The following RCAN2 variants were observed in gnomAD, a reference collection of about 807,000 sequenced individuals.
The protein encoded by RCAN2 is calcipressin-2.
A neutral mutation model predicts 23.6 loss-of-function variants in RCAN2; 9 were observed. The ratio of observed to expected loss-of-function variants is 0.38; its 90% CI spans 0.23 to 0.67. RCAN2 has a LOEUF of 0.67. Ranked by LOEUF, RCAN2 falls within the 30% of genes least tolerant of loss-of-function variation. RCAN2 has a pLI of 0.51. For synonymous variants in RCAN2, 109 were observed against 115.7 expected, an observed-to-expected ratio of 0.94 and a Z score of 0.37; for missense variants, 273 against 302.3, an observed-to-expected ratio of 0.90 and a Z score of 0.72.
At chr6:46,291,595 T>TAAC (rs1291909258) in intron 2 of RCAN2, among the ~76,000 whole-genome samples, 10 of 151,872 alleles carry the variant, frequency 6.6e-5, no homozygotes, top group South Asian at 6.2e-4. Context: ...TTTTTCTTCC[T>TAAC]AACAACAACA....
intron 2 of RCAN2, among the ~76,000 whole-genome samples, chr6:46,322,781 G>T (rs770867609): frequency 6.6e-6 from 1 of 152,158 alleles, no homozygotes; most frequent in Non-Finnish European, 1.5e-5. Context: ...AGGAACTCTT[G>T]GCTCCACCAG....
At chr6:46,248,255 A>T (rs896104940) in intron 3 of RCAN2, among the ~76,000 whole-genome samples, 3 of 152,232 alleles carry the variant, frequency 2.0e-5, no homozygotes, top group Non-Finnish European at 4.4e-5. Context: ...TTTCTCATAA[A>T]TATGAATCAT....
intron 2 of RCAN2, among the ~76,000 whole-genome samples, chr6:46,386,610 C>CAA (rs142110760): frequency 0.012 from 1,111 of 91,480 alleles, 30 homozygotes; most frequent in African/African-American, 0.015. Flanking sequence ...CTCTGTCTCA[C>CAA]AAAAAAAAAA....
chr6:46,479,771 T>G (rs1401941300), intron 1 of RCAN2, among the ~76,000 whole-genome samples: 1 of 151,974 alleles, frequency 6.6e-6, no homozygotes, highest in Non-Finnish European at 1.5e-5. Context: ...TTAGTAACGA[T>G]GGGGTTTCAC....
At chr6:46,275,957 C>T (rs1767682495) in intron 2 of RCAN2, among the ~76,000 whole-genome samples, 1 of 152,140 alleles carries the variant, frequency 6.6e-6, no homozygotes, top group South Asian at 2.1e-4. Flanking sequence ...CCTGTAATCC[C>T]AGCACTTTGG....
chr6:46,226,692 T>A lies in RCAN2; in HGVS notation c.572-3391A>T, dbSNP rs1420821650. Among the ~76,000 whole-genome samples, 4 of 152,164 alleles carry A rather than the reference T, an allele frequency of 2.6e-5. No individual in the cohort carries two copies. In the East Asian group the frequency reaches 7.7e-4, roughly 29 times the overall value. ...AGCTTAAGGGGATTTTGGGCTGAGA[T>A]GATGGGGTTTTCTAAATATACAATC... On this transcript the variant is annotated intron_variant, in intron 4 of 4. Coordinates refer to ENST00000371374, the MANE Select transcript of RCAN2 (RefSeq NM_001251974.2).
intron 2 of RCAN2, among the ~76,000 whole-genome samples, chr6:46,326,842 C>T (rs1228793701): frequency 6.6e-6 from 1 of 152,190 alleles, no homozygotes; most frequent in Admixed American, 6.5e-5. Flanking sequence ...GAAGCTTTCT[C>T]ATTTGTCCTC....
intron 2 of RCAN2, among the ~76,000 whole-genome samples, chr6:46,372,080 C>T (rs929928585): frequency 6.6e-6 from 1 of 152,118 alleles, no homozygotes; most frequent in South Asian, 2.1e-4. Context: ...GACTCTAATT[C>T]AAAATTAATT....
At chr6:46,363,668 A>G (rs1237845128) in intron 2 of RCAN2, among the ~76,000 whole-genome samples, 2 of 152,192 alleles carry the variant, frequency 1.3e-5, no homozygotes, top group African/African-American at 4.8e-5. Flanking sequence ...CACAGCAGAA[A>G]AATTACTGTA....
At chr6:46,313,027 T>G (rs1763314342) in intron 2 of RCAN2, among the ~76,000 whole-genome samples, 1 of 152,196 alleles carries the variant, frequency 6.6e-6, no homozygotes, top group Non-Finnish European at 1.5e-5. Context: ...CCAGTTTCTG[T>G]GTAATACTAC....
chr6:46,398,756 C>T (rs950904132), intron 2 of RCAN2, among the ~76,000 whole-genome samples: 1 of 152,126 alleles, frequency 6.6e-6, no homozygotes, highest in African/African-American at 2.4e-5. Flanking sequence ...CTCGAAAGAA[C>T]TTGCCCTCAG....
chr6:46,323,638 G>A (rs915638082), intron 2 of RCAN2, among the ~76,000 whole-genome samples: 9 of 152,122 alleles, frequency 5.9e-5, no homozygotes, highest in African/African-American at 2.2e-4. Flanking sequence ...CTCTCTTTCT[G>A]TATAAAATCT....
At chr6:46,455,467 C>T (rs1767988593) in intron 2 of RCAN2, among the ~76,000 whole-genome samples, 1 of 152,156 alleles carries the variant, frequency 6.6e-6, no homozygotes, top group Non-Finnish European at 1.5e-5. Context: ...CAGACACAGA[C>T]TTCAGCAATG....
intron 2 of RCAN2, among the ~76,000 whole-genome samples, chr6:46,414,234 A>G (rs1026877768): frequency 6.6e-6 from 1 of 152,244 alleles, no homozygotes; most frequent in Non-Finnish European, 1.5e-5. Flanking sequence ...CATGAATTAT[A>G]CAAATATAAA....
chr6:46,462,783 C>T (rs1245151608), intron 1 of RCAN2, among the ~76,000 whole-genome samples: 1 of 152,146 alleles, frequency 6.6e-6, no homozygotes, highest in Non-Finnish European at 1.5e-5. Context: ...TCTGATTCTG[C>T]TGGATATCAT....
At chr6:46,387,696 G>T (rs1310719819) in intron 2 of RCAN2, among the ~76,000 whole-genome samples, 1 of 152,150 alleles carries the variant, frequency 6.6e-6, no homozygotes, top group East Asian at 1.9e-4. Flanking sequence ...ACAGTGTGGC[G>T]ATTCCTCAAG....
At chr6:46,259,121 G>T (rs755763165) in intron 2 of RCAN2, among the ~76,000 whole-genome samples, 4 of 152,092 alleles carry the variant, frequency 2.6e-5, no homozygotes, top group Non-Finnish European at 5.9e-5. Flanking sequence ...GGGAGGTGGA[G>T]GTTGCAGTGA....
chr6:46,358,397 C>T (rs375746338), intron 2 of RCAN2, among the ~76,000 whole-genome samples: 106 of 152,230 alleles, frequency 7.0e-4, no homozygotes, highest in African/African-American at 2.4e-3. Flanking sequence ...ACACCAGGCC[C>T]CCAGATATCT....
At chr6:46,287,683 T>C (rs1762418727) in intron 2 of RCAN2, among the ~76,000 whole-genome samples, 1 of 152,256 alleles carries the variant, frequency 6.6e-6, no homozygotes, top group Non-Finnish European at 1.5e-5. Flanking sequence ...TAGGCTTTCA[T>C]TGTCATAGAT....
Sources: gnomAD v4.1 joint callset for allele counts (sites outside exome capture counted in the v4.1 genomes callset) on GRCh38, gnomAD v4.1.1 for gene constraint, MANE v1.5 for transcripts, NCBI Gene and HGNC (gene_info 2026-07-23, HGNC 2026-07-21) for gene names.